TSNARE1: variants seen among roughly 807,000 people sequenced by gnomAD.
TSNARE1 encodes t-SNARE domain-containing protein 1.
Under a neutral mutation model 62.0 loss-of-function variants are expected in TSNARE1, and 49 were observed. The observed-to-expected ratio is 0.79, with a 90% CI of 0.63 to 1.00. The LOEUF (loss-of-function observed/expected upper bound fraction) is 1.00, where lower values mean the gene tolerates loss of function less well. Ranked by LOEUF, TSNARE1 falls within the 50% of genes least tolerant of loss-of-function variation. The pLI is 0.00. For missense variants in TSNARE1, 755 were observed against 700.1 expected (o/e 1.08, Z -0.88); for synonymous variants, 328 against 294.4 (o/e 1.11, Z -1.17).
chr8:142,303,687 G>A (rs2131375049), intron 9 of TSNARE1, among the ~76,000 whole-genome samples: 1 of 152,362 alleles, frequency 6.6e-6, no homozygotes, highest in East Asian at 1.9e-4. Context: ...TGCGTTTCTG[G>A]CAGAAGCCAC....
At chr8:142,329,061 C>T (rs570105768) in intron 6 of TSNARE1, among the ~76,000 whole-genome samples, 1 of 152,292 alleles carries the variant, frequency 6.6e-6, no homozygotes, top group African/African-American at 2.4e-5. Context: ...CCTTAGTTGG[C>T]AACTTCGTCA....
intron 11 of TSNARE1, chr8:142,277,275 G>A (rs997479529): frequency 2.0e-6 from 2 of 985,284 alleles, no homozygotes; most frequent in Non-Finnish European, 1.2e-6. Context: ...GAGGCCTCCA[G>A]GGGCCAGAGA....
intron 1 of TSNARE1, among the ~76,000 whole-genome samples, chr8:142,386,517 T>G (rs930421829): frequency 1.3e-5 from 2 of 152,000 alleles, no homozygotes; most frequent in Non-Finnish European, 2.9e-5. Flanking sequence ...TATCAATAAA[T>G]GTACATTAGT....
chr8:142,393,930 G>A (rs983273543), intron 1 of TSNARE1, among the ~76,000 whole-genome samples: 1 of 152,160 alleles, frequency 6.6e-6, no homozygotes, highest in Non-Finnish European at 1.5e-5. Flanking sequence ...GTTCCTCCTG[G>A]CCAATGAACT....
At position 142,327,722 on chromosome 8, in the gene TSNARE1, G is replaced by A. The variant is rs527681556; in HGVS notation, c.893+3179C>T. On this transcript the variant is annotated intron_variant, in intron 6 of 13. Transcript: ENST00000524325. ...CAGGAGGCGGGGCTGTTAGGACTAC[G>A]CCCATGAAAGAGCTGCCAAGCGAGG... Among the ~76,000 whole-genome samples the A allele has an allele frequency of 7.9e-5, 12 of 152,292 alleles. No homozygotes were observed. The East Asian group carries it at 1.5e-3, about 20-fold the overall frequency.
chr8:142,227,677 G>A (rs1816906322), intron 13 of TSNARE1, among the ~76,000 whole-genome samples: 2 of 152,254 alleles, frequency 1.3e-5, no homozygotes, highest in South Asian at 4.1e-4. Flanking sequence ...CAGAAGCCCT[G>A]CTGTTGCGGG....
chr8:142,214,171 C>T (rs907987108), intron 13 of TSNARE1, among the ~76,000 whole-genome samples: 3 of 152,164 alleles, frequency 2.0e-5, no homozygotes, highest in African/African-American at 4.8e-5. Flanking sequence ...ACGCTGGGTG[C>T]GGCCCGCCTG....
chr8:142,347,553 C>A (rs1833535643), intron 2 of TSNARE1, among the ~76,000 whole-genome samples: 1 of 152,202 alleles, frequency 6.6e-6, no homozygotes, highest in Non-Finnish European at 1.5e-5. Context: ...GGGATCCAGG[C>A]ACTTGGTGAC....
At chr8:142,388,804 T>C (rs934870432) in intron 1 of TSNARE1, among the ~76,000 whole-genome samples, 1 of 152,058 alleles carries the variant, frequency 6.6e-6, no homozygotes, top group Non-Finnish European at 1.5e-5. Flanking sequence ...ACGCCTGACC[T>C]CAGCCAGGTG....
chr8:142,343,349 T>C (rs1315290096), intron 4 of TSNARE1, among the ~76,000 whole-genome samples: 1 of 152,028 alleles, frequency 6.6e-6, no homozygotes, highest in African/African-American at 2.4e-5. Flanking sequence ...ATCAGCTTTT[T>C]CTTTCATGAG....
chr8:142,249,672 C>T (rs903349671), intron 12 of TSNARE1, among the ~76,000 whole-genome samples: 10 of 152,110 alleles, frequency 6.6e-5, no homozygotes, highest in African/African-American at 1.2e-4. Flanking sequence ...GCAGGCCGTC[C>T]GCGTCAGGAC....
chr8:142,345,614 G>T, intron 3 of TSNARE1, 129 bp downstream of exon 3: 2 of 1,124,162 alleles, frequency 1.8e-6, no homozygotes, highest in Non-Finnish European at 2.5e-6. Flanking sequence ...GGCAGGGGAT[G>T]CAGGTCCCTT....
intron 1 of TSNARE1, among the ~76,000 whole-genome samples, chr8:142,394,407 A>G (rs754090707): frequency 1.3e-5 from 2 of 152,082 alleles, no homozygotes; most frequent in Non-Finnish European, 2.9e-5. Flanking sequence ...TCCAAACACA[A>G]CCGTACTCAG....
In TSNARE1 at chr8:142,311,391, G is replaced by A. The variant is rs143830808; in HGVS notation, c.1131+2993C>T. ...CGGCTCACCACAGCCTCTGCCTCCC[G>A]GGTTCAAGTGGTTCTCCTGCTTCAG... is the stretch of plus-strand genomic sequence containing the variant. On this transcript the variant is annotated intron_variant, in intron 9 of 13. Coordinates refer to ENST00000524325, the MANE Select transcript of TSNARE1 (RefSeq NM_145003.5). Among the ~76,000 whole-genome samples the A allele has an allele frequency of 2.0e-3, 288 of 146,770 alleles. 3 individuals are homozygous for A. In the East Asian group the frequency reaches 0.026, roughly 13 times the overall value.
At chr8:142,239,658 A>T (rs1418899904) in intron 12 of TSNARE1, among the ~76,000 whole-genome samples, 1 of 152,252 alleles carries the variant, frequency 6.6e-6, no homozygotes, top group Non-Finnish European at 1.5e-5. Flanking sequence ...CCTGGACTTA[A>T]CAGGAAGCGT....
intron 1 of TSNARE1, among the ~76,000 whole-genome samples, chr8:142,395,999 G>A (rs1020142594): frequency 6.6e-6 from 1 of 151,504 alleles, no homozygotes; most frequent in Admixed American, 6.6e-5. Context: ...GACGCCTGTG[G>A]CTCTCTTTGT....
intron 2 of TSNARE1, among the ~76,000 whole-genome samples, chr8:142,346,826 A>C (rs1833434237): frequency 1.3e-5 from 2 of 152,230 alleles, no homozygotes; most frequent in South Asian, 4.1e-4. Context: ...CCCTCAGAGA[A>C]GTGACACTAG....
intron 9 of TSNARE1, among the ~76,000 whole-genome samples, chr8:142,312,857 G>A (rs753162425): frequency 6.6e-6 from 1 of 152,214 alleles, no homozygotes; most frequent in Non-Finnish European, 1.5e-5. Flanking sequence ...AATAAGCTGA[G>A]ACACAAGCTG....
chr8:142,340,774 C>G (rs1303434205), intron 4 of TSNARE1, among the ~76,000 whole-genome samples: 1 of 152,204 alleles, frequency 6.6e-6, no homozygotes, highest in Non-Finnish European at 1.5e-5. Context: ...AGCCCTTTGC[C>G]TCAGACCCCA....
Sources: allele counts gnomAD v4.1 joint callset (sites outside exome capture counted in the v4.1 genomes callset), GRCh38; gene constraint gnomAD v4.1.1; transcripts MANE v1.5; gene names NCBI Gene and HGNC (gene_info 2026-07-23, HGNC 2026-07-21).